Variants in XIRP2 observed in about 807,000 individuals in gnomAD.
XIRP2 encodes xin actin-binding repeat-containing protein 2.
XIRP2 carries 236 observed loss-of-function variants against 277.0 expected under a neutral mutation model. The observed-to-expected ratio is 0.85, with a 90% confidence interval of 0.77 to 0.95. The LOEUF (loss-of-function observed/expected upper bound fraction) is 0.95. XIRP2 is among the 40% of genes least tolerant of loss of function. The pLI, the probability that XIRP2 is intolerant of heterozygous loss-of-function variation, is 0.00. For synonymous variants in XIRP2, 1,490 were observed against 1,416.5 expected, an observed-to-expected ratio of 1.05 and a Z score of -1.17; for missense variants, 4,640 against 4,157.5, an observed-to-expected ratio of 1.12 and a Z score of -3.19.
intron 3 of XIRP2, among the ~76,000 whole-genome samples, chr2:167,207,097 C>T (rs911355340): frequency 7.2e-5 from 11 of 151,990 alleles, no homozygotes; most frequent in Non-Finnish European, 5.9e-5. Flanking sequence ...ATTTTAGGAT[C>T]ATATTTATAA....
Position 166,911,131 on chromosome 2 carries a change from G to A in XIRP2, c.408+7241G>A, listed in dbSNP as rs570344448. On this transcript the variant is annotated intron_variant, in intron 2 of 10. Transcript: ENST00000409195. ...AGTTCTGTAGATGTCTATTAGGTCC[G>A]CTTGTTACAGAGCTGAGTTCAATTC... Among the ~76,000 whole-genome samples the A allele has an allele frequency of 6.2e-4, 95 of 152,242 alleles. 1 individual carries two copies. The highest frequency in any genetic ancestry group is 1.9e-3 in the African/African-American group (81 of 41,542).
At chr2:167,190,138 A>T (rs907744665) in intron 3 of XIRP2, among the ~76,000 whole-genome samples, 4 of 152,204 alleles carry the variant, frequency 2.6e-5, no homozygotes, top group Admixed American at 6.5e-5. Context: ...CTAACGAGCT[A>T]TCCCCAGCAC....
intron 3 of XIRP2, among the ~76,000 whole-genome samples, chr2:167,194,871 C>T (rs949039878): frequency 6.6e-6 from 1 of 152,090 alleles, no homozygotes; most frequent in African/African-American, 2.4e-5. Context: ...CAGTCCCTGG[C>T]ACATAGTAAG....
intron 2 of XIRP2, among the ~76,000 whole-genome samples, chr2:167,088,310 C>G (rs1690025208): frequency 6.6e-6 from 1 of 152,056 alleles, no homozygotes; most frequent in South Asian, 2.1e-4. Flanking sequence ...CTCTTCAGGA[C>G]TCCACTTGAG....
In XIRP2 at chr2:167,251,561, C is replaced by G. The variant is rs1010624973; in HGVS notation, c.10169C>G (p.Ser3390Cys). Reference sequence around the variant, plus strand: ...GGAAACACGAGTTTTACAGACTTTTCTTGCAAACATCCTAGAGAACTGCGA... The same window carrying G: ...GGAAACACGAGTTTTACAGACTTTTGTTGCAAACATCCTAGAGAACTGCGA... Reference protein sequence around the residue: ...SLGNTSFTDFSCKHPRELREK... With the variant: ...SLGNTSFTDFCCKHPRELREK... Residue 3390 changes from serine (S) to cysteine (C), a missense_variant, in exon 9 of 11, where the codon TCT becomes TGT. Coordinates refer to ENST00000409195, the MANE Select transcript of XIRP2 (RefSeq NM_152381.6). 7 of 1,613,404 alleles carry G rather than the reference C, an allele frequency of 4.3e-6. No individual in the cohort carries two copies. The Admixed American group carries it at 6.7e-5, about 15-fold the overall frequency.
intron 2 of XIRP2, among the ~76,000 whole-genome samples, chr2:167,112,210 G>A (rs1690777213): frequency 6.6e-6 from 1 of 151,818 alleles, no homozygotes; most frequent in Non-Finnish European, 1.5e-5. Context: ...ATAGCCTTGG[G>A]TTTGGTTTGC....
intron 2 of XIRP2, among the ~76,000 whole-genome samples, chr2:167,004,604 A>G (rs768268608): frequency 6.6e-6 from 1 of 151,804 alleles, no homozygotes; most frequent in Non-Finnish European, 1.5e-5. Context: ...TTAATCAAGT[A>G]AAAAAAGGAG....
rs1348539543 is a variant in XIRP2, at chr2:167,143,664, A to G, written c.562+7602A>G. Among the ~76,000 whole-genome samples, 4 of 152,284 alleles carry G rather than the reference A, an allele frequency of 2.6e-5. No homozygotes were observed. In the South Asian group the frequency reaches 6.2e-4, roughly 24 times the overall value. Reference sequence around the variant, plus strand: ...ATTAGACTCAGCTGCCAGGTTAGGAAGACAGGTTTGCATGAAAAGGAAAAA... The same window carrying G: ...ATTAGACTCAGCTGCCAGGTTAGGAGGACAGGTTTGCATGAAAAGGAAAAA... On this transcript the variant is annotated intron_variant, in intron 3 of 10. Coordinates refer to ENST00000409195, the MANE Select transcript of XIRP2 (RefSeq NM_152381.6).
chr2:167,002,579 CA>C (rs1687401480), intron 2 of XIRP2, among the ~76,000 whole-genome samples: 1 of 151,894 alleles, frequency 6.6e-6, no homozygotes, highest in African/African-American at 2.4e-5. Context: ...TTTTCTTCTC[CA>C]TTTCTAAAAG....
intron 2 of XIRP2, among the ~76,000 whole-genome samples, chr2:166,986,996 A>G (rs1687023466): frequency 6.6e-6 from 1 of 152,234 alleles, no homozygotes; most frequent in Non-Finnish European, 1.5e-5. Context: ...AAATCACTGA[A>G]TTAATAGTCT....
chr2:167,142,409 A>G (rs1484700479), intron 3 of XIRP2, among the ~76,000 whole-genome samples: 3 of 151,964 alleles, frequency 2.0e-5, no homozygotes, highest in Non-Finnish European at 4.4e-5. Flanking sequence ...TTAGCTGGGC[A>G]TAGTGGCATG....
chr2:166,960,055 C>T (rs895134880), intron 2 of XIRP2, among the ~76,000 whole-genome samples: 4 of 151,702 alleles, frequency 2.6e-5, no homozygotes, highest in Non-Finnish European at 4.4e-5. Context: ...AATATTTCAC[C>T]GTAGCTAAAC....
At chr2:167,022,828 C>T (rs1336154806) in intron 2 of XIRP2, among the ~76,000 whole-genome samples, 1 of 152,092 alleles carries the variant, frequency 6.6e-6, no homozygotes. Flanking sequence ...TGTATATGTG[C>T]CACATTTTCT....
intron 2 of XIRP2, among the ~76,000 whole-genome samples, chr2:167,042,751 A>G (rs978876027): frequency 2.0e-5 from 3 of 152,144 alleles, no homozygotes; most frequent in Non-Finnish European, 2.9e-5. Context: ...TAAACATACA[A>G]TAATAGTTGG....
chr2:167,179,775 G>A (rs1279354238), intron 3 of XIRP2, among the ~76,000 whole-genome samples: 1 of 152,046 alleles, frequency 6.6e-6, no homozygotes, highest in East Asian at 1.9e-4. Context: ...ACGTAGCTGG[G>A]ACTATAGGCA....
Position 167,175,794 on chromosome 2 carries a change from C to A in XIRP2, c.563-34941C>A, listed in dbSNP as rs544332867. 2.0e-5 allele frequency among the ~76,000 whole-genome samples: 3 copies of A among 152,282 alleles called. No homozygotes were observed. The South Asian group carries it at 6.2e-4, about 32-fold the overall frequency. On this transcript the variant is annotated intron_variant, in intron 3 of 10. Transcript: ENST00000409195. ...GGGAGTTGGGGATTTTATCTATAAG[C>A]CCCTGACTGGGGCTGCTGCCTTTCT...
intron 2 of XIRP2, among the ~76,000 whole-genome samples, chr2:166,938,108 G>A (rs191058777): frequency 3.9e-5 from 6 of 152,210 alleles, no homozygotes; most frequent in South Asian, 2.1e-4. Context: ...GTTCTGCTCC[G>A]ATCTTAGTTA....
At chr2:167,099,510 A>G (rs1690428396) in intron 2 of XIRP2, among the ~76,000 whole-genome samples, 1 of 152,054 alleles carries the variant, frequency 6.6e-6, no homozygotes, top group Non-Finnish European at 1.5e-5. Flanking sequence ...CCTTTCCAGG[A>G]GAGTGAACAG....
intron 2 of XIRP2, among the ~76,000 whole-genome samples, chr2:166,916,536 G>T (rs1030768901): frequency 6.6e-6 from 1 of 152,046 alleles, no homozygotes; most frequent in Non-Finnish European, 1.5e-5. Context: ...AAATTAAAAT[G>T]CAGCTTAATA....
Sources: gnomAD v4.1 joint callset for allele counts (sites outside exome capture counted in the v4.1 genomes callset) on GRCh38, gnomAD v4.1.1 for gene constraint, MANE v1.5 for transcripts, NCBI Gene and HGNC (gene_info 2026-07-23, HGNC 2026-07-21) for gene names.